Variants in PARVA observed in about 807,000 individuals in gnomAD.
PARVA encodes alpha-parvin.
Under a neutral mutation model 52.6 loss-of-function variants are expected in PARVA, and 25 were observed. That is an observed-to-expected ratio of 0.48 (90% confidence interval 0.35 to 0.66). The LOEUF is 0.66. Ranked by LOEUF, PARVA falls within the 30% of genes least tolerant of loss-of-function variation. The pLI is 0.01. For synonymous variants in PARVA, 185 were observed against 179.1 expected (o/e 1.03, Z -0.26); for missense variants, 373 against 450.9 (o/e 0.83, Z 1.56).
intron 1 of PARVA, among the ~76,000 whole-genome samples, chr11:12,384,541 AAG>A (rs1444766431): frequency 3.3e-5 from 5 of 152,202 alleles, no homozygotes; most frequent in African/African-American, 9.6e-5. Flanking sequence ...AAGCAAGAAA[AAG>A]AGAAATAGAG....
chr11:12,400,172 G>A (rs781266958), intron 1 of PARVA, among the ~76,000 whole-genome samples: 1 of 152,314 alleles, frequency 6.6e-6, no homozygotes, highest in Admixed American at 6.5e-5. Flanking sequence ...GCCAACATAT[G>A]TTCCCAGCCG....
At chr11:12,509,577 GGAGTCT>G (rs1334134271) in intron 7 of PARVA, among the ~76,000 whole-genome samples, 2 of 152,346 alleles carry the variant, frequency 1.3e-5, no homozygotes, top group Non-Finnish European at 2.9e-5. Context: ...ATGACTGACA[GGAGTCT>G]GGGGCACTGC....
At chr11:12,506,992 C>A (rs1266949113) in intron 6 of PARVA, among the ~76,000 whole-genome samples, 3 of 152,182 alleles carry the variant, frequency 2.0e-5, no homozygotes, top group African/African-American at 7.2e-5. Context: ...AAAACACAGC[C>A]TGTGTTGAAA....
chr11:12,528,853 C>T lies in PARVA; in HGVS notation c.*928C>T. On this transcript the variant is annotated 3_prime_UTR_variant, in exon 13 of 13. Transcript: ENST00000334956. ...ACTCTGTACTTTGGTTTCAGGGTGA[C>T]ATTTGGGAAGGATTTTGTTTAGAAT... 6.6e-6 allele frequency: 1 copy of T among 152,618 alleles called. No individual in the cohort carries two copies. The highest frequency in any genetic ancestry group is 1.9e-4 in the East Asian group (1 of 5,198). The allele number at this position is 152,618 out of a possible 1,614,324, so 9.5% of individuals were successfully genotyped here.
At chr11:12,486,434 G>GA in intron 4 of PARVA, among the ~76,000 whole-genome samples, 1 of 152,304 alleles carries the variant, frequency 6.6e-6, no homozygotes, top group Non-Finnish European at 1.5e-5. Flanking sequence ...TTGGGAGGCT[G>GA]AGGCAGGAGA....
intron 12 of PARVA, among the ~76,000 whole-genome samples, chr11:12,527,293 A>AGAGGAAAGGAGGGAGGATGG (rs1941715873): frequency 1.1e-5 from 1 of 92,838 alleles, no homozygotes; most frequent in African/African-American, 3.6e-5. Context: ...TGGGAGGATC[A>AGAGGAAAGGAGGGAGGATGG]GAGGAAAGGA....
At chr11:12,393,113 T>C (rs2134956538) in intron 1 of PARVA, among the ~76,000 whole-genome samples, 1 of 149,546 alleles carries the variant, frequency 6.7e-6, no homozygotes, top group Admixed American at 6.6e-5. Context: ...TACACGTAAG[T>C]GAAATGTAGA....
rs2134936881 is a variant in PARVA, at chr11:12,377,891, G to T, written c.136+108G>T. 4 of 590,968 alleles carry T rather than the reference G, an allele frequency of 6.8e-6. No homozygotes were observed. The South Asian group carries it at 2.5e-4, about 36-fold the overall frequency. 36.6% of individuals were successfully genotyped at this position (590,968 alleles called of 1,614,324 possible). On this transcript the variant is annotated intron_variant, in intron 1 of 12. Transcript: ENST00000334956. ...CGGGAGCGCGCCGCGGGTGCCCGGC[G>T]CGGTGGGGCGCGCGGCGATGCGTGC...
intron 12 of PARVA, among the ~76,000 whole-genome samples, chr11:12,524,820 G>T (rs2135090961): frequency 6.6e-6 from 1 of 152,366 alleles, no homozygotes; most frequent in African/African-American, 2.4e-5. Flanking sequence ...GGAACCTACA[G>T]TCCAGGACAG....
At chr11:12,415,554 A>G (rs1395190788) in intron 1 of PARVA, among the ~76,000 whole-genome samples, 1 of 152,094 alleles carries the variant, frequency 6.6e-6, no homozygotes, top group Non-Finnish European at 1.5e-5. Flanking sequence ...ATGAGAAACA[A>G]TGGCCAGACT....
intron 1 of PARVA, among the ~76,000 whole-genome samples, chr11:12,443,751 TTGTTTTCCCTTGCCTG>T (rs1057444151): frequency 6.6e-6 from 1 of 152,148 alleles, no homozygotes. Flanking sequence ...AGCATAATTT[TTGTTTTCCCTTGCCTG>T]TACCCTTAGG....
chr11:12,519,244 G>A (rs544041688), intron 12 of PARVA, among the ~76,000 whole-genome samples: 6 of 152,258 alleles, frequency 3.9e-5, no homozygotes, highest in Non-Finnish European at 7.4e-5. Flanking sequence ...CCTTTTGCTC[G>A]CACTTTTCTG....
At chr11:12,432,661 G>A (rs1439633547) in intron 1 of PARVA, among the ~76,000 whole-genome samples, 1 of 152,240 alleles carries the variant, frequency 6.6e-6, no homozygotes, top group Non-Finnish European at 1.5e-5. Flanking sequence ...GCAAGTTAAA[G>A]TAATTTGACA....
intron 12 of PARVA, among the ~76,000 whole-genome samples, chr11:12,521,667 T>A (rs560415359): frequency 6.6e-6 from 1 of 152,048 alleles, no homozygotes; most frequent in Non-Finnish European, 1.5e-5. Flanking sequence ...CTTGAGATGA[T>A]GACATTATCT....
At chr11:12,489,175 A>G (rs1941200498) in intron 4 of PARVA, among the ~76,000 whole-genome samples, 1 of 151,510 alleles carries the variant, frequency 6.6e-6, no homozygotes, top group South Asian at 2.1e-4. Flanking sequence ...AAAAAAAAAA[A>G]GAAAAAGAAA....
At chr11:12,400,753 C>A (rs1177947213) in intron 1 of PARVA, among the ~76,000 whole-genome samples, 2 of 152,064 alleles carry the variant, frequency 1.3e-5, no homozygotes, top group Non-Finnish European at 2.9e-5. Flanking sequence ...TGTTTTGCAT[C>A]CAGTGGAATT....
At chr11:12,384,320 T>C (rs1034338026) in intron 1 of PARVA, among the ~76,000 whole-genome samples, 1 of 152,230 alleles carries the variant, frequency 6.6e-6, no homozygotes, top group Non-Finnish European at 1.5e-5. Flanking sequence ...TCCCAGTCAC[T>C]TTCTGATCCA....
intron 1 of PARVA, among the ~76,000 whole-genome samples, chr11:12,392,436 T>G (rs1025168726): frequency 6.6e-6 from 1 of 151,938 alleles, no homozygotes; most frequent in Non-Finnish European, 1.5e-5. Flanking sequence ...GCCCAGCTAA[T>G]TTTTGTATTT....
rs1250577569 is a variant in PARVA at position 12,511,452 on chromosome 11, G to A, written c.717-62G>A. On this transcript the variant is annotated intron_variant, in intron 7 of 12. Coordinates refer to ENST00000334956, the MANE Select transcript of PARVA (RefSeq NM_018222.5). ...GCAGTGATGGAGTGTCCTTTCAGAGGACTGGCCTCTTATAAGGGACAAGAG... is the reference window on the plus strand; with the variant it reads ...GCAGTGATGGAGTGTCCTTTCAGAGAACTGGCCTCTTATAAGGGACAAGAG... 7 of 1,562,124 alleles carry A rather than the reference G, an allele frequency of 4.5e-6. No individual in the cohort carries two copies. The East Asian group carries it at 1.6e-4, about 35-fold the overall frequency.
Sources: gnomAD v4.1 joint callset for allele counts (sites outside exome capture counted in the v4.1 genomes callset) on GRCh38, gnomAD v4.1.1 for gene constraint, MANE v1.5 for transcripts, NCBI Gene and HGNC (gene_info 2026-07-23, HGNC 2026-07-21) for gene names.